Variants in MARCHF10 observed in about 807,000 individuals in gnomAD.
MARCHF10 encodes probable E3 ubiquitin-protein ligase MARCHF10.
Under a neutral mutation model 76.2 loss-of-function variants are expected in MARCHF10, and 64 were observed. That is an observed-to-expected ratio of 0.84 (90% CI 0.69 to 1.03). MARCHF10 has a LOEUF of 1.03. MARCHF10 is among the 50% of genes least tolerant of loss of function. MARCHF10 has a pLI of 0.00. For missense variants in MARCHF10, 875 were observed against 958.0 expected, an observed-to-expected ratio of 0.91 and a Z score of 1.14; for synonymous variants, 340 against 357.5, an observed-to-expected ratio of 0.95 and a Z score of 0.55.
intron 1 of MARCHF10, among the ~76,000 whole-genome samples, chr17:62,807,701 T>A (rs2093183832): frequency 6.6e-6 from 1 of 151,852 alleles, no homozygotes. Flanking sequence ...AGGTCGAGGC[T>A]GCAGTGAGCC....
At chr17:62,776,164 A>T (rs1212396221) in intron 3 of MARCHF10, among the ~76,000 whole-genome samples, 1 of 152,250 alleles carries the variant, frequency 6.6e-6, no homozygotes, top group Non-Finnish European at 1.5e-5. Flanking sequence ...GAGAATTTAA[A>T]GAAAATGTAG....
chr17:62,725,271 T>A (rs1309917206), intron 6 of MARCHF10, among the ~76,000 whole-genome samples, 167 bp from the exon 7 acceptor site: 1 of 152,106 alleles, frequency 6.6e-6, no homozygotes, highest in Non-Finnish European at 1.5e-5. Context: ...ACAAATTCTC[T>A]CTTTTTTTTT....
chr17:62,770,851 CTTTTT>C (rs35064058), intron 3 of MARCHF10, among the ~76,000 whole-genome samples: 1 of 83,632 alleles, frequency 1.2e-5, no homozygotes, highest in African/African-American at 4.9e-5. Flanking sequence ...TGTATTTTGA[CTTTTT>C]TTTTTTTTTT....
intron 2 of MARCHF10, 51 bp downstream of exon 2, chr17:62,801,595 T>A (rs1054496686): frequency 1.2e-5 from 18 of 1,498,238 alleles, no homozygotes; most frequent in Non-Finnish European, 1.3e-5. Context: ...CTGAATTCTC[T>A]CTAAATACTG....
intron 4 of MARCHF10, among the ~76,000 whole-genome samples, chr17:62,752,870 C>A (rs1018539273): frequency 2.0e-5 from 3 of 152,102 alleles, no homozygotes; most frequent in Non-Finnish European, 4.4e-5. Flanking sequence ...TGTCTGGCCA[C>A]CCTCACACTC....
chr17:62,788,627 G>T (rs1598036621), intron 2 of MARCHF10, 28 bp from the exon 3 acceptor site: 1 of 1,612,884 alleles, frequency 6.2e-7, no homozygotes, highest in Non-Finnish European at 8.5e-7. Context: ...TAAAATGTTT[G>T]TCTTAGGACC....
At chr17:62,759,750 C>T (rs781022503) in intron 4 of MARCHF10, 85 bp downstream of exon 4, 178 of 1,397,404 alleles carry the variant, frequency 1.3e-4, no homozygotes, top group Non-Finnish European at 1.6e-4. Flanking sequence ...GGATTACAGG[C>T]GTGAGCCACC....
intron 6 of MARCHF10, among the ~76,000 whole-genome samples, chr17:62,729,416 T>C (rs1178608713): frequency 2.7e-5 from 4 of 149,670 alleles, no homozygotes; most frequent in Admixed American, 6.7e-5. Context: ...GGATGGGCAA[T>C]AAAAAATTTT....
intron 2 of MARCHF10, among the ~76,000 whole-genome samples, chr17:62,797,374 T>G (rs911366177): frequency 3.9e-5 from 6 of 152,086 alleles, no homozygotes; most frequent in Non-Finnish European, 8.8e-5. Context: ...CCAGCTAATT[T>G]TTTGTATTTT....
chr17:62,719,467 C>T (rs1269317646), intron 8 of MARCHF10, among the ~76,000 whole-genome samples: 1 of 152,110 alleles, frequency 6.6e-6, no homozygotes, highest in Non-Finnish European at 1.5e-5. Flanking sequence ...TCTCTGTCTT[C>T]TTGCTTGCAT....
At chr17:62,730,478 C>G (rs1248118710) in intron 6 of MARCHF10, among the ~76,000 whole-genome samples, 1 of 152,190 alleles carries the variant, frequency 6.6e-6, no homozygotes, top group African/African-American at 2.4e-5. Context: ...GTATTAAGCG[C>G]TTACTGTATG....
In MARCHF10 at chr17:62,736,989, C is replaced by T; in HGVS notation, c.879G>A (p.Glu293=). The change falls in exon 6 of 11, where the codon GAG becomes GAA. Residue 293 remains glutamate, a synonymous_variant. Coordinates refer to ENST00000311269, the MANE Select transcript of MARCHF10 (RefSeq NM_152598.4). ...ACAGACATTCTTCAGACTGGGTTTC[C>T]TCTTCAGTGTCATCGCTTTCTCTTC... is the stretch of plus-strand genomic sequence containing the variant. ...NSRRESDDTE[E]ETQSEECLWV... is the part of the protein sequence containing the mutation. The T allele has an allele frequency of 6.2e-7, 1 of 1,614,138 alleles. No homozygotes were observed. Among genetic ancestry groups the T allele is most frequent in the Non-Finnish European group, 8.5e-7 (1 of 1,180,004 alleles).
At chr17:62,797,291 G>A (rs754585917) in intron 2 of MARCHF10, among the ~76,000 whole-genome samples, 7 of 152,076 alleles carry the variant, frequency 4.6e-5, no homozygotes, top group Non-Finnish European at 8.8e-5. Context: ...TGCAACCTCC[G>A]CCTCCCGGGT....
At chr17:62,770,476 A>G (rs1233768241) in intron 3 of MARCHF10, among the ~76,000 whole-genome samples, 1 of 151,932 alleles carries the variant, frequency 6.6e-6, no homozygotes, top group East Asian at 1.9e-4. Flanking sequence ...ACTAATTTAC[A>G]TTCCCAGCAA....
At chr17:62,756,317 G>A (rs1288425623) in intron 4 of MARCHF10, among the ~76,000 whole-genome samples, 1 of 151,782 alleles carries the variant, frequency 6.6e-6, no homozygotes, top group Admixed American at 6.6e-5. Flanking sequence ...ATAGTGGCGT[G>A]TGCCTGTAGT....
At chr17:62,732,398 C>T (rs1338355804) in intron 6 of MARCHF10, among the ~76,000 whole-genome samples, 1 of 152,172 alleles carries the variant, frequency 6.6e-6, no homozygotes, top group Non-Finnish European at 1.5e-5. Flanking sequence ...AAGACCAATG[C>T]AACAGAATAG....
intron 10 of MARCHF10, among the ~76,000 whole-genome samples, chr17:62,703,761 G>C (rs2089391373): frequency 6.6e-6 from 1 of 152,232 alleles, no homozygotes; most frequent in African/African-American, 2.4e-5. Flanking sequence ...GCAGGGAAGG[G>C]CGGCAGGTTC....
chr17:62,785,787 C>T (rs575947515), intron 3 of MARCHF10, among the ~76,000 whole-genome samples: 35 of 152,346 alleles, frequency 2.3e-4, no homozygotes, highest in Non-Finnish European at 3.5e-4. Context: ...TGCTCATCAT[C>T]ACTGGTCATC....
intron 3 of MARCHF10, among the ~76,000 whole-genome samples, chr17:62,761,555 G>A (rs1206747123): frequency 6.6e-6 from 1 of 151,954 alleles, no homozygotes; most frequent in Non-Finnish European, 1.5e-5. Flanking sequence ...CTGAGTAGCT[G>A]GGATTACAGG....
Sources: allele counts gnomAD v4.1 joint callset (sites outside exome capture counted in the v4.1 genomes callset), GRCh38; gene constraint gnomAD v4.1.1; transcripts MANE v1.5; gene names NCBI Gene and HGNC (gene_info 2026-07-23, HGNC 2026-07-21).